CCDC61: variants seen among roughly 807,000 people sequenced by gnomAD.
The protein encoded by CCDC61 is coiled-coil domain containing 61.
CCDC61 carries 55 observed loss-of-function variants against 63.0 expected under a neutral mutation model. The ratio of observed to expected loss-of-function variants is 0.87; its 90% CI spans 0.70 to 1.09. The LOEUF (loss-of-function observed/expected upper bound fraction) is 1.09. Ranked by LOEUF, CCDC61 falls within the 50% of genes least tolerant of loss-of-function variation. The pLI is 0.00. For synonymous variants in CCDC61, 270 were observed against 317.0 expected (o/e 0.85, Z 1.58); for missense variants, 651 against 731.4 (o/e 0.89, Z 1.27).
At chr19:46,002,685 G>A (rs1028287939) in intron 1 of CCDC61, among the ~76,000 whole-genome samples, 6 of 152,050 alleles carry the variant, frequency 3.9e-5, no homozygotes, top group African/African-American at 1.4e-4. Flanking sequence ...CCAAAGTGCT[G>A]GGATAACAGT....
At chr19:46,008,093 G>A (rs1968747051) in intron 4 of CCDC61, 47 bp from the exon 5 acceptor site, 3 of 1,538,234 alleles carry the variant, frequency 2.0e-6, no homozygotes, top group Non-Finnish European at 2.6e-6. Flanking sequence ...ACCCTCAGGT[G>A]CATTCTTGGC....
Position 46,015,220 on chromosome 19 carries a change from C to T in CCDC61, c.723C>T (p.Ala241=). The change falls in exon 6 of 14, where the codon GCC becomes GCT. Residue 241 remains alanine (A), a synonymous_variant. Coordinates refer to ENST00000595358, the MANE Select transcript of CCDC61 (RefSeq NM_001267723.2). The surrounding 1 kb of genome is among the most constrained non-coding windows in gnomAD (Gnocchi z 5.3). ...AGCGCGGCCTCGGGCACAGGGTGGC[C>T]GGCCGTCGCGGCCAGGACTGCCGCC... ...RQERGLGHRV[A]GRRGQDCRRL... The T allele has an allele frequency of 3.0e-6, 4 of 1,330,350 alleles. No homozygotes were observed. The highest frequency in any genetic ancestry group is 3.8e-6 in the Non-Finnish European group (4 of 1,046,122). The allele number at this position is 1,330,350 out of a possible 1,614,324, so 82.4% of individuals were successfully genotyped here. A position where few individuals can be genotyped will look rare whatever the true frequency, so the allele number is the denominator to read the frequency against.
chr19:46,006,843 C>A, intron 4 of CCDC61, 127 bp downstream of exon 4: 1 of 854,560 alleles, frequency 1.2e-6, no homozygotes. Context: ...GGGAATCTTC[C>A]CTGTTGGGGT....
intron 1 of CCDC61, among the ~76,000 whole-genome samples, chr19:45,997,598 C>T (rs1180491197): frequency 1.3e-5 from 2 of 152,056 alleles, no homozygotes; most frequent in Non-Finnish European, 2.9e-5. Flanking sequence ...GCCATGTTGG[C>T]CAGGGTGGTC....
At chr19:46,001,329 C>T (rs1484500312) in intron 1 of CCDC61, among the ~76,000 whole-genome samples, 1 of 152,158 alleles carries the variant, frequency 6.6e-6, no homozygotes, top group African/African-American at 2.4e-5. Context: ...CGGGTTCAAG[C>T]GATTCTCCTG....
At chr19:46,007,250 T>C (rs1968729794) in intron 4 of CCDC61, among the ~76,000 whole-genome samples, 1 of 152,102 alleles carries the variant, frequency 6.6e-6, no homozygotes, top group Non-Finnish European at 1.5e-5. Context: ...GGTTTTGTCA[T>C]GTTGCCCAGG....
At chr19:46,005,334 G>A (rs1452672586) in intron 3 of CCDC61, among the ~76,000 whole-genome samples, 1 of 152,130 alleles carries the variant, frequency 6.6e-6, no homozygotes, top group African/African-American at 2.4e-5. Flanking sequence ...TTTCTTAAAG[G>A]TTAGTTGCAA....
Position 46,004,880 on chromosome 19 carries a change from G to A in CCDC61, c.231+1379G>A, listed in dbSNP as rs566004191. Among the ~76,000 whole-genome samples, 97 of 128,302 alleles carry A rather than the reference G, an allele frequency of 7.6e-4. 1 individual carries two copies. The South Asian group carries it at 0.011, about 15-fold the overall frequency. The allele number at this position is 128,302 out of a possible 152,430, so 84.2% of individuals were successfully genotyped here. ...TTTTTTTGAGACAAGAGTTTTGCTCGGTTGCCCAGGCTTAGTGGCACAGTC... is the reference window on the plus strand; with the variant it reads ...TTTTTTTGAGACAAGAGTTTTGCTCAGTTGCCCAGGCTTAGTGGCACAGTC... On this transcript the variant is annotated intron_variant, in intron 3 of 13. Coordinates refer to ENST00000595358, the MANE Select transcript of CCDC61 (RefSeq NM_001267723.2).
Position 46,008,098 on chromosome 19 carries a change from C to G in CCDC61, c.390-42C>G, listed in dbSNP as rs776761638. The G allele has an allele frequency of 3.9e-6, 6 of 1,553,106 alleles. No homozygotes were observed. The South Asian group carries it at 7.2e-5, about 19-fold the overall frequency. On this transcript the variant is annotated intron_variant, in intron 4 of 13. Coordinates refer to ENST00000595358, the MANE Select transcript of CCDC61 (RefSeq NM_001267723.2). ...GCTGCTGTTTACCCTCAGGTGCATT[C>G]TTGGCCTCTGAGATGCCACGGTTTT...
In CCDC61 at chr19:46,016,447, C is replaced by T; in HGVS notation, c.1091+54C>T. On this transcript the variant is annotated intron_variant, in intron 9 of 13. Transcript: ENST00000595358. The surrounding 1 kb of genome is among the most constrained non-coding windows in gnomAD (Gnocchi z 7.2). ...CCTGTCCCTGGCCCGTGCCCGCTCC[C>T]GGGCTCTCATCTCTCCACGCCACCA... 3 of 1,590,792 alleles carry T rather than the reference C, an allele frequency of 1.9e-6. No individual in the cohort carries two copies. The highest frequency in any genetic ancestry group is 2.2e-5 in the South Asian group (2 of 90,350).
chr19:46,018,450 G>A lies in CCDC61; in HGVS notation c.*63G>A. The A allele has an allele frequency of 7.2e-7, 1 of 1,386,820 alleles. No homozygotes were observed. The highest frequency in any genetic ancestry group is 1.0e-6 in the Non-Finnish European group (1 of 1,004,312). The allele number at this position is 1,386,820 out of a possible 1,614,324, so 85.9% of individuals were successfully genotyped here. The stretch of plus-strand genomic sequence containing the variant: ...CTTGCTGGGTATGGTGTGGGGGGTG[G>A]GGCCAGGGTGGCCTCCAGCCCTGCC... On this transcript the variant is annotated 3_prime_UTR_variant, in exon 14 of 14. Transcript: ENST00000595358. This position sits in a 1 kb window ranked among gnomAD's most constrained non-coding sequence, Gnocchi z 4.2.
chr19:46,017,324 T>G lies in CCDC61; in HGVS notation c.1368+20T>G, dbSNP rs1469366777. 6.4e-7 allele frequency: 1 copy of G among 1,551,894 alleles called. No homozygotes were observed. The highest frequency in any genetic ancestry group is 8.7e-7 in the Non-Finnish European group (1 of 1,147,282). On this transcript the variant is annotated intron_variant, in intron 12 of 13. Coordinates refer to ENST00000595358, the MANE Select transcript of CCDC61 (RefSeq NM_001267723.2). ...AATATGGTGAGTAGAAGGGGCAACA[T>G]AAACCACTGGAACACAGCTGCCCCC...
chr19:46,014,638 A>G (rs1481258691), intron 5 of CCDC61, among the ~76,000 whole-genome samples: 1 of 152,166 alleles, frequency 6.6e-6, no homozygotes, highest in East Asian at 1.9e-4. Context: ...TCAAATTTGT[A>G]TTGTAGAGGA....
chr19:46,003,575 C>A (rs1020177532), intron 3 of CCDC61, 74 bp downstream of exon 3: 2 of 1,036,154 alleles, frequency 1.9e-6, no homozygotes, highest in Non-Finnish European at 3.0e-6. Flanking sequence ...TGATGCCCAT[C>A]TGATGTATGT....
intron 5 of CCDC61, among the ~76,000 whole-genome samples, chr19:46,014,277 CATAA>C (rs1268815022): frequency 1.3e-5 from 2 of 152,128 alleles, no homozygotes; most frequent in East Asian, 3.8e-4. Flanking sequence ...TCCCCTTCCC[CATAA>C]ATAATCCTTT....
chr19:46,016,841 G>A lies in CCDC61; in HGVS notation c.1231+8G>A, dbSNP rs1330734937. The A allele has an allele frequency of 4.6e-6, 7 of 1,511,148 alleles. No individual in the cohort carries two copies. The highest frequency in any genetic ancestry group is 4.3e-5 in the Admixed American group (2 of 46,570). 93.6% of individuals were successfully genotyped at this position (1,511,148 alleles called of 1,614,324 possible). On this transcript the variant is annotated splice_region_variant and intron_variant, in intron 10 of 13. Transcript: ENST00000595358. This position sits in a 1 kb window ranked among gnomAD's most constrained non-coding sequence, Gnocchi z 7.2. ...GAAACCGCAGCTCCTCAGGTAACTG[G>A]CCTGGAGCTGGGGGCTGCCGGGCTA...
At chr19:46,003,752 C>T (rs1042583488) in intron 3 of CCDC61, among the ~76,000 whole-genome samples, 1 of 151,992 alleles carries the variant, frequency 6.6e-6, no homozygotes, top group Non-Finnish European at 1.5e-5. Flanking sequence ...CCCTAATACT[C>T]GCTTCTGTTA....
At chr19:46,010,146 G>C (rs919367915) in intron 5 of CCDC61, among the ~76,000 whole-genome samples, 4 of 152,210 alleles carry the variant, frequency 2.6e-5, no homozygotes, top group African/African-American at 9.7e-5. Context: ...AAGCACTGTG[G>C]ATAGATTCTT....
chr19:46,016,186 T>C lies in CCDC61; in HGVS notation c.978T>C (p.Gly326=), dbSNP rs1383760933. 8 of 1,321,430 alleles carry C rather than the reference T, an allele frequency of 6.1e-6. No individual in the cohort carries two copies. Among genetic ancestry groups the C allele is most frequent in the Non-Finnish European group, 7.7e-6 (8 of 1,037,144 alleles). The allele number at this position is 1,321,430 out of a possible 1,614,324, so 81.9% of individuals were successfully genotyped here. A position where few individuals can be genotyped will look rare whatever the true frequency, so the allele number is the denominator to read the frequency against. ...GGGAGAGCGGCCGCGGGAGCCGGGGTCGGGGCCGCCCTGCGCGCCCCTCGC... is the reference window on the plus strand; with the variant it reads ...GGGAGAGCGGCCGCGGGAGCCGGGGCCGGGGCCGCCCTGCGCGCCCCTCGC... ...SSRESGRGSR[G]RGRPARPSPS... The change falls in exon 8 of 14, where the codon GGT becomes GGC. Residue 326 remains glycine (G), a synonymous_variant. Transcript: ENST00000595358. The surrounding 1 kb of genome is among the most constrained non-coding windows in gnomAD (Gnocchi z 7.2).
Sources: gnomAD v4.1 joint callset for allele counts (sites outside exome capture counted in the v4.1 genomes callset) on GRCh38, gnomAD v4.1.1 for gene constraint, Gnocchi (gnomAD v3.1) non-coding constraint, MANE v1.5 for transcripts, NCBI Gene and HGNC (gene_info 2026-07-23, HGNC 2026-07-21) for gene names.